The following MTRR variants were observed in gnomAD, a reference collection of about 807,000 sequenced individuals.
MTRR encodes the protein 5-methyltetrahydrofolate-homocysteine methyltransferase reductase, also known as methionine synthase reductase.
In MTRR, 63 loss-of-function variants were observed where a neutral mutation model predicts 79.2. The ratio of observed to expected loss-of-function variants is 0.80; its 90% CI spans 0.65 to 0.98. The LOEUF is 0.98. Ranked by LOEUF, MTRR falls within the 50% of genes least tolerant of loss-of-function variation. The pLI is 0.00. For missense variants in MTRR, 895 were observed against 839.6 expected (o/e 1.07, Z -0.82); for synonymous variants, 355 against 313.3 (o/e 1.13, Z -1.41).
chr5:7,862,687 C>T (rs1746637205), intron 2 of MTRR: 2 of 731,076 alleles, frequency 2.7e-6, no homozygotes, highest in South Asian at 1.9e-5. Context: ...CTGCTGCTAA[C>T]CCCAACTTGC....
At position 7,875,392 on chromosome 5, in the gene MTRR, C is replaced by G; in HGVS notation, c.401+17C>G. 2.6e-6 allele frequency: 4 copies of G among 1,554,518 alleles called. No individual in the cohort carries two copies. Among genetic ancestry groups the G allele is most frequent in the Non-Finnish European group, 3.6e-6 (4 of 1,125,662 alleles). ...CTGTGTAGGGTAAGGGCAGTGTTCTCTGTTTACTCCAATAAGCCCTCTATA... is the reference window on the plus strand; with the variant it reads ...CTGTGTAGGGTAAGGGCAGTGTTCTGTGTTTACTCCAATAAGCCCTCTATA... On this transcript the variant is annotated intron_variant, in intron 4 of 14. Coordinates refer to ENST00000440940, the MANE Select transcript of MTRR (RefSeq NM_002454.3).
chr5:7,866,313 CAAAAAAAA>C (rs35385669), upstream of MTRR, among the ~76,000 whole-genome samples: 1 of 140,418 alleles, frequency 7.1e-6, no homozygotes, highest in Non-Finnish European at 1.6e-5. Context: ...ACCATCCTCT[CAAAAAAAA>C]AAAAAAAGAT....
At position 7,899,979 on chromosome 5, in the gene MTRR, G is replaced by T. The variant is rs1347756756; in HGVS notation, c.2018G>T (p.Gly673Val). The part of the protein sequence containing the change: ...ALVQIISKEV[G>V]VEKLEAMKTL... ...GTGCAAATAATAAGCAAAGAGGTTGGAGTTGAAAAACTAGAAGCAATGAAA... is the reference window on the plus strand; with the variant it reads ...GTGCAAATAATAAGCAAAGAGGTTGTAGTTGAAAAACTAGAAGCAATGAAA... Residue 673 changes from glycine to valine, a missense_variant, in exon 15 of 15, where the codon GGA becomes GTA. Coordinates refer to ENST00000440940, the MANE Select transcript of MTRR (RefSeq NM_002454.3). 1.2e-6 allele frequency: 2 copies of T among 1,614,112 alleles called. No homozygotes were observed. Among genetic ancestry groups the T allele is most frequent in the Admixed American group, 3.3e-5 (2 of 60,018 alleles).
rs1734551020 is a variant in MTRR, at chr5:7,876,302, C to T, written c.401+927C>T. On this transcript the variant is annotated intron_variant, in intron 4 of 14. Coordinates refer to ENST00000440940, the MANE Select transcript of MTRR (RefSeq NM_002454.3). ...GCTTTGTGACATTTCCTTGGGAATT[C>T]ACTTTAGCTCTGTACCTTTATATTG... Among the ~76,000 whole-genome samples, 4 of 152,164 alleles carry T rather than the reference C, an allele frequency of 2.6e-5. No homozygotes were observed. In the South Asian group the frequency reaches 8.3e-4, roughly 32 times the overall value.
intron 5 of MTRR, among the ~76,000 whole-genome samples, chr5:7,879,374 T>A (rs1275516942): frequency 6.6e-6 from 1 of 150,824 alleles, no homozygotes; most frequent in Admixed American, 6.6e-5. Flanking sequence ...GTTAAGAGTT[T>A]ATGGGTTTTT....
intron 4 of MTRR, among the ~76,000 whole-genome samples, chr5:7,877,074 A>G (rs140781416): frequency 1.3e-5 from 2 of 152,338 alleles, no homozygotes; most frequent in Non-Finnish European, 2.9e-5. Flanking sequence ...AACCTGAGTC[A>G]TAATGACACA....
intron 1 of MTRR, chr5:7,859,223 A>G: frequency 3.0e-6 from 1 of 332,346 alleles, no homozygotes; most frequent in Non-Finnish European, 5.4e-6. Context: ...TTGATGTACA[A>G]AAAGTATCTA....
chr5:7,894,488 C>T (rs1249612210), intron 11 of MTRR, among the ~76,000 whole-genome samples: 1 of 152,228 alleles, frequency 6.6e-6, no homozygotes, highest in East Asian at 1.9e-4. Flanking sequence ...GTCCCACAGC[C>T]TTCGAGGAAG....
At chr5:7,861,660 G>A (rs1164250857) in intron 1 of MTRR, 2 of 1,606,578 alleles carry the variant, frequency 1.2e-6, no homozygotes, top group Admixed American at 1.7e-5. Context: ...CATCTGGTGA[G>A]AGAAGAAAGG....
chr5:7,862,109 G>T (rs1746591327), intron 2 of MTRR: 1 of 153,306 alleles, frequency 6.5e-6, no homozygotes, highest in Non-Finnish European at 1.5e-5. Context: ...GAGCACGGAA[G>T]GCTTCCGAAC....
intron 11 of MTRR, among the ~76,000 whole-genome samples, chr5:7,894,780 C>T (rs1177684627): frequency 1.3e-5 from 2 of 152,198 alleles, no homozygotes; most frequent in African/African-American, 4.8e-5. Context: ...TGTTTATTTT[C>T]TTTTCCTTCC....
At chr5:7,854,661 AC>A (rs777305746) in intron 1 of MTRR, among the ~76,000 whole-genome samples, 28 of 152,166 alleles carry the variant, frequency 1.8e-4, no homozygotes, top group Non-Finnish European at 3.4e-4. Flanking sequence ...TGGGGGAACC[AC>A]CCCCATGATT....
intron 8 of MTRR, among the ~76,000 whole-genome samples, chr5:7,887,790 G>GCA (rs1409775801): frequency 1.6e-5 from 1 of 63,560 alleles, no homozygotes; most frequent in Non-Finnish European, 2.6e-5. Flanking sequence ...GTGTGTGTGT[G>GCA]TGCATATATA....
intron 7 of MTRR, 128 bp downstream of exon 7, chr5:7,885,982 A>C (rs564409739): frequency 1.8e-4 from 223 of 1,261,750 alleles, no homozygotes; most frequent in Non-Finnish European, 2.3e-4. Flanking sequence ...TCAGCTGCGC[A>C]TCAAGGTCTG....
chr5:7,889,881 A>G (rs1737257744), intron 9 of MTRR, among the ~76,000 whole-genome samples: 1 of 152,142 alleles, frequency 6.6e-6, no homozygotes, highest in Admixed American at 6.5e-5. Flanking sequence ...GATGAAGAGT[A>G]ACCCATTTTT....
chr5:7,863,345 C>T (rs73737647), intron 2 of MTRR: 17,268 of 248,834 alleles, frequency 0.069, 1,088 homozygotes, highest in East Asian at 0.2. Flanking sequence ...TGAGAATTGT[C>T]CCAAGGGTCT....
Position 7,878,018 on chromosome 5 carries a change from G to A in MTRR, c.476G>A (p.Gly159Glu), listed in dbSNP as rs1478151197. 2 of 1,613,788 alleles carry A rather than the reference G, an allele frequency of 1.2e-6. No homozygotes were observed. Among genetic ancestry groups the A allele is most frequent in the East Asian group, 2.2e-5 (1 of 44,816 alleles). The change falls in exon 5 of 15, where the codon GGA (glycine) becomes GAA (glutamate). Residue 159 changes from glycine to glutamate, a missense_variant. Physicochemically the swap from Gly to Glu is moderately conservative, Grantham distance 98. Coordinates refer to ENST00000440940, the MANE Select transcript of MTRR (RefSeq NM_002454.3). ...AGAAAGCATTTTAGGTCAAGCAGAG[G>A]ACAAGAGGAGATAAGTGGCGCACTC... ...ALRKHFRSSRGQEEISGALPV... is the reference protein window; with the variant it reads ...ALRKHFRSSREQEEISGALPV...
At chr5:7,881,159 C>G (rs1274894494) in intron 5 of MTRR, among the ~76,000 whole-genome samples, 1 of 152,072 alleles carries the variant, frequency 6.6e-6, no homozygotes, top group African/African-American at 2.4e-5. Flanking sequence ...CCTTTGTGGG[C>G]TGCCCATTTT....
intron 5 of MTRR, among the ~76,000 whole-genome samples, chr5:7,879,462 CAA>C (rs35558077): frequency 0.32 from 27,995 of 87,532 alleles, 1,849 homozygotes; most frequent in Admixed American, 0.39. Context: ...GACTCCGTCT[CAA>C]AAAAAAAAAA....
Sources: allele counts gnomAD v4.1 joint callset (sites outside exome capture counted in the v4.1 genomes callset), GRCh38; gene constraint gnomAD v4.1.1; transcripts MANE v1.5; gene names NCBI Gene and HGNC (gene_info 2026-07-23, HGNC 2026-07-21).